NFIL3: variants seen among roughly 807,000 people sequenced by gnomAD.
The protein encoded by NFIL3 is nuclear factor interleukin-3-regulated protein.
A neutral mutation model predicts 10.0 loss-of-function variants in NFIL3; 5 were observed. The ratio of observed to expected loss-of-function variants is 0.50; its 90% confidence interval spans 0.26 to 1.06. The LOEUF is 1.06. NFIL3 is among the 50% of genes least tolerant of loss of function. NFIL3 has a pLI of 0.13. For synonymous variants in NFIL3, 202 were observed against 206.5 expected (o/e 0.98, Z 0.19); for missense variants, 436 against 547.6 (o/e 0.80, Z 2.03).
chr9:91,448,734 C>T, the NFIL3 span, among the ~76,000 whole-genome samples: 1 of 150,108 alleles, frequency 6.7e-6, no homozygotes, highest in African/African-American at 2.5e-5. Context: ...CCTTGAAATT[C>T]CATATGAAGT....
chr9:91,479,845 TG>T, the NFIL3 span, among the ~76,000 whole-genome samples: 1 of 152,200 alleles, frequency 6.6e-6, no homozygotes, highest in Non-Finnish European at 1.5e-5. Flanking sequence ...GCGTAGTATC[TG>T]GGCCAGAGTA....
At chr9:91,447,678 G>T in the NFIL3 span, among the ~76,000 whole-genome samples, 1 of 152,042 alleles carries the variant, frequency 6.6e-6, no homozygotes, top group Non-Finnish European at 1.5e-5. Flanking sequence ...CTTTTTAGTT[G>T]TGTTGTCTTT....
rs201907085 is a variant in NFIL3 at position 91,410,360 on chromosome 9, C to G, written c.375G>C (p.Lys125Asn). Reference sequence around the variant, plus strand: ...ATGCTGTGGAGCTAATTAAACCAAACTTTAATTTTAGTGAAAGCAGCTCAG... The same window carrying G: ...ATGCTGTGGAGCTAATTAAACCAAAGTTTAATTTTAGTGAAAGCAGCTCAG... ...LKAELLSLKLKFGLISSTAYA... is the reference protein window; with the variant it reads ...LKAELLSLKLNFGLISSTAYA... The change falls in exon 2 of 2, where the codon AAG becomes AAC. Residue 125 changes from lysine (K) to asparagine (N), a missense_variant. Transcript: ENST00000297689. This position sits in a 1 kb window ranked among gnomAD's most constrained non-coding sequence, Gnocchi z 5.7. 34 of 1,613,842 alleles carry G rather than the reference C, an allele frequency of 2.1e-5. No homozygotes were observed. The highest frequency in any genetic ancestry group is 2.6e-5 in the Non-Finnish European group (31 of 1,179,984).
At chr9:91,455,911 C>T in the NFIL3 span, among the ~76,000 whole-genome samples, 1 of 152,110 alleles carries the variant, frequency 6.6e-6, no homozygotes, top group South Asian at 2.1e-4. Flanking sequence ...ATGTATATCA[C>T]CCCTAAAACT....
upstream of NFIL3, chr9:91,423,964 C>T (rs1192933078): frequency 6.9e-6 from 1 of 145,678 alleles, no homozygotes; most frequent in South Asian, 2.1e-4. Context: ...CAGGGGCGGG[C>T]CGGGGCGGGC....
At chr9:91,436,337 G>A in the NFIL3 span, among the ~76,000 whole-genome samples, 2 of 152,284 alleles carry the variant, frequency 1.3e-5, no homozygotes, top group South Asian at 4.1e-4. Flanking sequence ...CAGCACTTTG[G>A]GAGGCCGAAG....
chr9:91,415,988 T>C (rs1833647518), intron 1 of NFIL3, among the ~76,000 whole-genome samples: 2 of 151,958 alleles, frequency 1.3e-5, no homozygotes, highest in Admixed American at 6.5e-5. Context: ...ATCTAGAACT[T>C]TTCTCCATCC....
chr9:91,442,977 G>A, the NFIL3 span, among the ~76,000 whole-genome samples: 1 of 152,122 alleles, frequency 6.6e-6, no homozygotes, highest in East Asian at 1.9e-4. Context: ...GGAAAAATGA[G>A]GTATGTGGAC....
chr9:91,451,293 T>C, the NFIL3 span, among the ~76,000 whole-genome samples: 68,563 of 152,120 alleles, frequency 0.45, 19,321 homozygotes, highest in African/African-American at 0.79. Flanking sequence ...ACAGAATTTC[T>C]ATTGATCTAT....
chr9:91,448,895 A>C, the NFIL3 span, among the ~76,000 whole-genome samples: 1 of 152,074 alleles, frequency 6.6e-6, no homozygotes, highest in Non-Finnish European at 1.5e-5. Context: ...TTTTGGTCCT[A>C]ATTTCTTTCA....
the NFIL3 span, among the ~76,000 whole-genome samples, chr9:91,462,590 A>T: frequency 6.6e-6 from 1 of 151,990 alleles, no homozygotes; most frequent in Non-Finnish European, 1.5e-5. Flanking sequence ...GTTGAACTCA[A>T]TTTGTTAATG....
At chr9:91,412,595 G>C (rs775119014) in intron 1 of NFIL3, among the ~76,000 whole-genome samples, 31 of 152,160 alleles carry the variant, frequency 2.0e-4, no homozygotes, top group Non-Finnish European at 2.5e-4. Flanking sequence ...TGTAATCCCA[G>C]CACTTTGGGA....
At chr9:91,441,559 T>G in the NFIL3 span, among the ~76,000 whole-genome samples, 1 of 152,196 alleles carries the variant, frequency 6.6e-6, no homozygotes, top group Non-Finnish European at 1.5e-5. Flanking sequence ...TTATTTGATT[T>G]CTGGTTGTCC....
rs1406469306 is a variant in NFIL3 at position 91,410,545 on chromosome 9, G to A, written c.190C>T (p.Arg64Trp). The A allele has an allele frequency of 6.2e-7, 1 of 1,613,960 alleles. No individual in the cohort carries two copies. The change falls in exon 2 of 2, where the codon CGG (arginine) becomes TGG (tryptophan). Residue 64 changes from arginine (R) to tryptophan (W), a missense_variant. Transcript: ENST00000297689. The surrounding 1 kb of genome is among the most constrained non-coding windows in gnomAD (Gnocchi z 5.7). Reference protein sequence around the residue: ...KNKSSACRRKREFIPDEKKDA... With the variant: ...KNKSSACRRKWEFIPDEKKDA... ...TTCTTTTCATCAGGAATGAATTCCCGTTTCCTCCGACATGCAGAAGATTTG... is the reference window on the plus strand; with the variant it reads ...TTCTTTTCATCAGGAATGAATTCCCATTTCCTCCGACATGCAGAAGATTTG...
intron 1 of NFIL3, among the ~76,000 whole-genome samples, chr9:91,420,231 A>G (rs1833734154): frequency 6.6e-6 from 1 of 152,150 alleles, no homozygotes; most frequent in African/African-American, 2.4e-5. Context: ...ATGGCAAATT[A>G]AAAAATATAT....
the NFIL3 span, among the ~76,000 whole-genome samples, chr9:91,462,360 T>C: frequency 6.6e-6 from 1 of 152,152 alleles, no homozygotes; most frequent in African/African-American, 2.4e-5. Flanking sequence ...GCGTTCTTTA[T>C]TGAGAAAGTT....
At chr9:91,423,456 T>A in intron 1 of NFIL3, among the ~76,000 whole-genome samples, 184 bp downstream of exon 1, 1 of 151,838 alleles carries the variant, frequency 6.6e-6, no homozygotes. Flanking sequence ...GCGAGTCCCA[T>A]CCTGACAAGG....
the NFIL3 span, among the ~76,000 whole-genome samples, chr9:91,435,996 C>CA: frequency 6.8e-5 from 10 of 147,340 alleles, no homozygotes; most frequent in African/African-American, 1.5e-4. Flanking sequence ...ATTTACTAAA[C>CA]AAAAAAACCC....
chr9:91,461,892 T>G, the NFIL3 span, among the ~76,000 whole-genome samples: 1 of 152,026 alleles, frequency 6.6e-6, no homozygotes, highest in Non-Finnish European at 1.5e-5. Context: ...GTGACACACA[T>G]CTATAAAATA....
Sources: gnomAD v4.1 joint callset for allele counts (sites outside exome capture counted in the v4.1 genomes callset) on GRCh38, gnomAD v4.1.1 for gene constraint, Gnocchi (gnomAD v3.1) non-coding constraint, MANE v1.5 for transcripts, NCBI Gene and HGNC (gene_info 2026-07-23, HGNC 2026-07-21) for gene names.